The following AKAP6 variants were observed in gnomAD, a reference collection of about 807,000 sequenced individuals.
AKAP6 encodes A-kinase anchoring protein 6.
AKAP6 carries 58 observed loss-of-function variants against 188.5 expected under a neutral mutation model. The observed-to-expected ratio is 0.31, with a 90% CI of 0.25 to 0.38. The LOEUF is 0.38. AKAP6 is among the 10% of genes least tolerant of loss of function. The pLI is 1.00. For missense variants in AKAP6, 2,710 were observed against 2,740.0 expected (o/e 0.99, Z 0.24); for synonymous variants, 989 against 998.6 (o/e 0.99, Z 0.18).
intron 12 of AKAP6, among the ~76,000 whole-genome samples, chr14:32,797,845 G>A (rs1296237065): frequency 6.7e-6 from 1 of 148,952 alleles, no homozygotes; most frequent in African/African-American, 2.5e-5. Flanking sequence ...ATAGGCCCTT[G>A]CAAAGATATC....
chr14:32,486,527 T>C (rs1879704969), intron 2 of AKAP6, among the ~76,000 whole-genome samples: 2 of 152,342 alleles, frequency 1.3e-5, no homozygotes, highest in South Asian at 4.1e-4. Flanking sequence ...GAAGAGATCC[T>C]TCACATCCCT....
At chr14:32,556,178 G>A (rs2139190572) in intron 4 of AKAP6, among the ~76,000 whole-genome samples, 1 of 151,950 alleles carries the variant, frequency 6.6e-6, no homozygotes, top group Admixed American at 6.6e-5. Flanking sequence ...AGATCATTGT[G>A]GTTTTGATTT....
At chr14:32,342,859 T>C (rs924192100) in intron 1 of AKAP6, among the ~76,000 whole-genome samples, 4 of 152,212 alleles carry the variant, frequency 2.6e-5, no homozygotes, top group Admixed American at 1.3e-4. Context: ...TTCAAGGGGA[T>C]TACATAGTGC....
chr14:32,409,045 C>CA (rs1889390713), intron 1 of AKAP6, among the ~76,000 whole-genome samples: 2 of 152,110 alleles, frequency 1.3e-5, no homozygotes, highest in South Asian at 4.2e-4. Context: ...ACTAAAAATA[C>CA]AAAAATTAGC....
intron 12 of AKAP6, among the ~76,000 whole-genome samples, chr14:32,802,608 T>C (rs943408150): frequency 6.6e-5 from 10 of 152,192 alleles, no homozygotes; most frequent in Admixed American, 6.5e-4. Flanking sequence ...TCCTGAAAAG[T>C]GTTCACACCC....
intron 3 of AKAP6, among the ~76,000 whole-genome samples, chr14:32,540,162 C>A (rs865889289): frequency 5.1e-3 from 538 of 104,982 alleles, no homozygotes; most frequent in African/African-American, 0.012. Flanking sequence ...CTCTCTCTCT[C>A]TCTCTCTATA....
chr14:32,593,011 A>AACACACACAC (rs60277036), intron 5 of AKAP6, among the ~76,000 whole-genome samples: 11,780 of 123,704 alleles, frequency 0.095, 891 homozygotes, highest in Middle Eastern at 0.14. Context: ...CCCCCACCCC[A>AACACACACAC]ACACACACAC....
Position 32,671,897 on chromosome 14 carries a change from G to A in AKAP6, c.2731-6414G>A, listed in dbSNP as rs187595403. Among the ~76,000 whole-genome samples, 3 of 152,232 alleles carry A rather than the reference G, an allele frequency of 2.0e-5. No individual in the cohort carries two copies. In the East Asian group the frequency reaches 5.8e-4, roughly 29 times the overall value. ...GATAAATCAGTCAAATTAGCAAAAA[G>A]CAAACTAAAAATTGCTTTTTATGAC... On this transcript the variant is annotated intron_variant, in intron 7 of 13. Transcript: ENST00000280979.
intron 12 of AKAP6, among the ~76,000 whole-genome samples, chr14:32,786,296 A>ATGTTTTTTTTTTTTG: frequency 3.2e-5 from 3 of 93,706 alleles, no homozygotes; most frequent in Non-Finnish European, 4.1e-5. Flanking sequence ...CTAAACCTTT[A>ATGTTTTTTTTTTTTG]TCTTTTTTTT....
At chr14:32,575,113 G>A (rs1175454501) in intron 4 of AKAP6, among the ~76,000 whole-genome samples, 1 of 152,108 alleles carries the variant, frequency 6.6e-6, no homozygotes, top group Non-Finnish European at 1.5e-5. Context: ...AGAAGACTGA[G>A]CTTGAGTAAG....
rs374389786 is a variant in AKAP6, at chr14:32,510,423, T to C, written c.325-25131T>C. Among the ~76,000 whole-genome samples, 169 of 94,270 alleles carry C rather than the reference T, an allele frequency of 1.8e-3. 5 individuals carry two copies. The highest frequency in any genetic ancestry group is 2.8e-3 in the South Asian group (11 of 3,882). 61.8% of individuals were successfully genotyped at this position (94,270 alleles called of 152,430 possible). On this transcript the variant is annotated intron_variant, in intron 2 of 13. Coordinates refer to ENST00000280979, the MANE Select transcript of AKAP6 (RefSeq NM_004274.5). ...ATATATGTATATATATGTATATATATACATATATATATGTGTATATATATA... is the reference window on the plus strand; with the variant it reads ...ATATATGTATATATATGTATATATACACATATATATATGTGTATATATATA...
intron 1 of AKAP6, among the ~76,000 whole-genome samples, chr14:32,419,487 C>G (rs1889766655): frequency 6.6e-6 from 1 of 152,142 alleles, no homozygotes; most frequent in African/African-American, 2.4e-5. Context: ...GCAGTATGAA[C>G]AGCAAAAACA....
intron 1 of AKAP6, among the ~76,000 whole-genome samples, chr14:32,332,152 A>G (rs1304507421): frequency 6.6e-6 from 1 of 152,036 alleles, no homozygotes; most frequent in Non-Finnish European, 1.5e-5. Flanking sequence ...AGGCGAATAA[A>G]CTTGGCTAAG....
rs140402423 is a variant in AKAP6 at position 32,640,060 on chromosome 14, C to G, written c.2731-38251C>G. On this transcript the variant is annotated intron_variant, in intron 7 of 13. Transcript: ENST00000280979. ...CTTCCCAGAAATAAAATGGAAAAGA[C>G]ATTATTATGGTAGAGTATTTTAACA... is the stretch of plus-strand genomic sequence containing the variant. Among the ~76,000 whole-genome samples, 841 of 152,116 alleles carry G rather than the reference C, an allele frequency of 5.5e-3. 2 individuals are homozygous for G. Among genetic ancestry groups the G allele is most frequent in the Middle Eastern group, 0.014 (4 of 294 alleles).
At chr14:32,532,296 T>A (rs899396612) in intron 2 of AKAP6, among the ~76,000 whole-genome samples, 7 of 152,342 alleles carry the variant, frequency 4.6e-5, no homozygotes, top group African/African-American at 1.7e-4. Context: ...CTTTGGTAGG[T>A]CAGCACTTAT....
intron 13 of AKAP6, among the ~76,000 whole-genome samples, chr14:32,828,156 A>T (rs2034722765): frequency 6.6e-6 from 1 of 152,224 alleles, no homozygotes; most frequent in South Asian, 2.1e-4. Context: ...TCAAGTACGC[A>T]CATAAAGAGT....
intron 2 of AKAP6, among the ~76,000 whole-genome samples, chr14:32,505,508 C>A (rs1454712274): frequency 6.6e-6 from 1 of 151,738 alleles, no homozygotes; most frequent in African/African-American, 2.4e-5. Context: ...CCATGATGAA[C>A]AAAATATCAA....
chr14:32,352,614 T>C (rs1887326831), intron 1 of AKAP6, among the ~76,000 whole-genome samples: 1 of 152,216 alleles, frequency 6.6e-6, no homozygotes, highest in African/African-American at 2.4e-5. Flanking sequence ...TGTACTTCTA[T>C]GAGACCAGCT....
intron 2 of AKAP6, among the ~76,000 whole-genome samples, chr14:32,502,174 G>T (rs780553288): frequency 3.9e-5 from 6 of 152,148 alleles, no homozygotes; most frequent in Non-Finnish European, 7.4e-5. Flanking sequence ...AAAGTGCTTA[G>T]AAGAATAGTA....
Sources: gnomAD v4.1 joint callset for allele counts (sites outside exome capture counted in the v4.1 genomes callset) on GRCh38, gnomAD v4.1.1 for gene constraint, MANE v1.5 for transcripts, NCBI Gene and HGNC (gene_info 2026-07-23, HGNC 2026-07-21) for gene names.